The following SLC4A4 variants were observed in gnomAD, a reference collection of about 807,000 sequenced individuals.
The protein encoded by SLC4A4 is electrogenic sodium bicarbonate cotransporter 1.
A neutral mutation model predicts 111.5 loss-of-function variants in SLC4A4; 27 were observed. The ratio of observed to expected loss-of-function variants is 0.24; its 90% CI spans 0.18 to 0.33. The LOEUF is 0.33. Ranked by LOEUF, SLC4A4 falls within the 10% of genes least tolerant of loss-of-function variation. The probability of loss-of-function intolerance (pLI) is 1.00; values close to 1 mark genes in which losing one functional copy is unlikely to be tolerated. For missense variants in SLC4A4, 909 were observed against 1,315.5 expected (o/e 0.69, Z 4.78); for synonymous variants, 443 against 463.4 (o/e 0.96, Z 0.57).
chr4:71,482,985 T>C (rs558482041), intron 14 of SLC4A4, among the ~76,000 whole-genome samples: 11 of 151,756 alleles, frequency 7.2e-5, no homozygotes, highest in Admixed American at 2.0e-4. Flanking sequence ...AGTATACCCA[T>C]TATATGCTCT....
At chr4:71,114,119 C>T (rs1357586723) in intron 2 of SLC4A4, among the ~76,000 whole-genome samples, 2 of 152,016 alleles carry the variant, frequency 1.3e-5, no homozygotes, top group Admixed American at 6.6e-5. Context: ...TGGTGGCAGG[C>T]GCCTGTAGTC....
chr4:71,557,961 C>G, intron 22 of SLC4A4, 76 bp downstream of exon 22: 1 of 1,317,186 alleles, frequency 7.6e-7, no homozygotes, highest in Non-Finnish European at 1.1e-6. Flanking sequence ...GGAAGACACA[C>G]ATGTCTTTTA....
chr4:71,510,020 G>A (rs1224848357), intron 16 of SLC4A4, among the ~76,000 whole-genome samples: 3 of 152,108 alleles, frequency 2.0e-5, no homozygotes, highest in Admixed American at 1.3e-4. Context: ...GCAGGGTAGA[G>A]TATATACAAC....
At chr4:71,566,873 T>C (rs1443170817) in intron 24 of SLC4A4, 131 bp from the exon 25 acceptor site, 1 of 648,982 alleles carries the variant, frequency 1.5e-6, no homozygotes. Flanking sequence ...AATACCTTGT[T>C]TATTGAAATG....
chr4:71,450,840 T>A (rs898466354), intron 10 of SLC4A4, among the ~76,000 whole-genome samples: 14 of 152,246 alleles, frequency 9.2e-5, no homozygotes, highest in African/African-American at 3.4e-4. Flanking sequence ...CCCCTGTATA[T>A]CTGGAAACAT....
chr4:71,076,034 C>T (rs1741807510), intron 1 of SLC4A4, among the ~76,000 whole-genome samples: 1 of 151,778 alleles, frequency 6.6e-6, no homozygotes, highest in East Asian at 1.9e-4. Flanking sequence ...GCCCCTGTTT[C>T]CCCTTACCTA....
At chr4:71,482,286 T>C (rs572745940) in intron 14 of SLC4A4, among the ~76,000 whole-genome samples, 1 of 151,832 alleles carries the variant, frequency 6.6e-6, no homozygotes, top group Admixed American at 6.6e-5. Flanking sequence ...CAGATACTTA[T>C]TAAAATAAGT....
chr4:71,226,144 T>G (rs1719033868), intron 1 of SLC4A4, among the ~76,000 whole-genome samples: 1 of 152,204 alleles, frequency 6.6e-6, no homozygotes, highest in Admixed American at 6.5e-5. Context: ...ATTTATTATT[T>G]TTTTTTAGAG....
chr4:71,081,370 A>G (rs1291008402), intron 1 of SLC4A4, among the ~76,000 whole-genome samples: 1 of 152,032 alleles, frequency 6.6e-6, no homozygotes, highest in East Asian at 1.9e-4. Flanking sequence ...CAAAACTGGA[A>G]CTCTGCTGTT....
chr4:71,401,979 T>C (rs1487750830), intron 7 of SLC4A4, among the ~76,000 whole-genome samples: 2 of 152,228 alleles, frequency 1.3e-5, no homozygotes, highest in African/African-American at 4.8e-5. Flanking sequence ...TCTGAGAATC[T>C]ATTCCATAGG....
At chr4:71,518,271 C>A (rs146919890) in intron 16 of SLC4A4, among the ~76,000 whole-genome samples, 4 of 152,194 alleles carry the variant, frequency 2.6e-5, no homozygotes, top group African/African-American at 9.6e-5. Flanking sequence ...GTGGGTCATG[C>A]AACCACAGAG....
chr4:71,247,947 T>C (rs1370262532), intron 2 of SLC4A4, among the ~76,000 whole-genome samples: 3 of 152,124 alleles, frequency 2.0e-5, no homozygotes, highest in African/African-American at 7.2e-5. Flanking sequence ...TTCCTGCAGA[T>C]TGGCAGTGAG....
At chr4:71,257,660 A>G (rs1157855969) in intron 3 of SLC4A4, among the ~76,000 whole-genome samples, 1 of 152,212 alleles carries the variant, frequency 6.6e-6, no homozygotes, top group Non-Finnish European at 1.5e-5. Context: ...GAACAGCCAC[A>G]TAACAGTTTC....
At chr4:71,249,579 T>A (rs1183562700) in intron 2 of SLC4A4, among the ~76,000 whole-genome samples, 1 of 152,106 alleles carries the variant, frequency 6.6e-6, no homozygotes, top group Non-Finnish European at 1.5e-5. Flanking sequence ...GGTTTGAGAA[T>A]AATAAGCTAA....
chr4:71,540,945 A>C (rs1419992517), intron 18 of SLC4A4, among the ~76,000 whole-genome samples: 1 of 152,170 alleles, frequency 6.6e-6, no homozygotes, highest in Non-Finnish European at 1.5e-5. Flanking sequence ...GCCAGGTCAC[A>C]TGGAACAAAG....
intron 7 of SLC4A4, among the ~76,000 whole-genome samples, chr4:71,434,031 G>A (rs954028702): frequency 1.3e-5 from 2 of 151,976 alleles, no homozygotes; most frequent in Admixed American, 6.6e-5. Flanking sequence ...TTGAATGCCT[G>A]AGAAACAATA....
chr4:71,373,020 T>C (rs899273642), intron 6 of SLC4A4, among the ~76,000 whole-genome samples: 16 of 152,208 alleles, frequency 1.1e-4, no homozygotes, highest in Admixed American at 1.0e-3. Context: ...ATTCAAAATC[T>C]TTTAACTTTT....
rs72860044 is a variant in SLC4A4, at chr4:71,154,842, A to C, written c.-2+62050A>C. Among the ~76,000 whole-genome samples, 801 of 152,316 alleles carry C rather than the reference A, an allele frequency of 5.3e-3. 9 individuals carry two copies. Among genetic ancestry groups the C allele is most frequent in the African/African-American group, 0.018 (766 of 41,560 alleles). Reference sequence around the variant, plus strand: ...TCATTATTTCTTATATTTGTGAAGGAAAATTTGATGATCAGTGTTATGGAA... The same window carrying C: ...TCATTATTTCTTATATTTGTGAAGGCAAATTTGATGATCAGTGTTATGGAA... On this transcript the variant is annotated intron_variant, in intron 2 of 26. Coordinates refer to the SLC4A4 transcript ENST00000649996.
chr4:71,074,713 TGAAG>T (rs911715587), intron 1 of SLC4A4, among the ~76,000 whole-genome samples: 1 of 150,640 alleles, frequency 6.6e-6, no homozygotes, highest in East Asian at 2.0e-4. Context: ...AAAAGAAAAA[TGAAG>T]GAAGAAAATA....
Sources: allele counts gnomAD v4.1 joint callset (sites outside exome capture counted in the v4.1 genomes callset), GRCh38; gene constraint gnomAD v4.1.1; transcripts MANE v1.5; gene names NCBI Gene and HGNC (gene_info 2026-07-23, HGNC 2026-07-21).